Variants in SUMF1 observed in about 807,000 individuals in gnomAD.
SUMF1 encodes the protein formylglycine-generating enzyme.
SUMF1 carries 48 observed loss-of-function variants against 47.6 expected under a neutral mutation model. The ratio of observed to expected loss-of-function variants is 1.01; its 90% CI spans 0.80 to 1.28. The LOEUF (loss-of-function observed/expected upper bound fraction) is 1.28, where lower values mean the gene tolerates loss of function less well. Ranked by LOEUF, SUMF1 falls within the 50% of genes most tolerant of loss-of-function variation. SUMF1 has a pLI of 0.00. For synonymous variants in SUMF1, 230 were observed against 192.1 expected, an observed-to-expected ratio of 1.20 and a Z score of -1.63; for missense variants, 571 against 485.4, an observed-to-expected ratio of 1.18 and a Z score of -1.66.
chr3:4,092,509 T>A (rs557367785), intron 8 of SUMF1, among the ~76,000 whole-genome samples: 4 of 152,302 alleles, frequency 2.6e-5, no homozygotes, highest in African/African-American at 9.6e-5. Context: ...TCTCTCTTTG[T>A]TGAAAGTAGT....
chr3:4,437,338 T>C (rs1702435475), intron 3 of SUMF1, among the ~76,000 whole-genome samples: 1 of 152,186 alleles, frequency 6.6e-6, no homozygotes, highest in Non-Finnish European at 1.5e-5. Flanking sequence ...TTAAACTTTA[T>C]ACTCAAGTAT....
intron 8 of SUMF1, among the ~76,000 whole-genome samples, chr3:4,152,467 T>C (rs928191715): frequency 6.6e-6 from 1 of 150,596 alleles, no homozygotes; most frequent in African/African-American, 2.5e-5. Context: ...TTTTTTTTTT[T>C]CTTTTTCTTT....
At chr3:4,429,982 G>A (rs772262557) in intron 3 of SUMF1, among the ~76,000 whole-genome samples, 55 of 152,092 alleles carry the variant, frequency 3.6e-4, no homozygotes, top group Non-Finnish European at 7.1e-4. Context: ...TGCTTTTAAA[G>A]GACTTTAAAG....
rs182231918 is a variant in SUMF1, at chr3:4,100,677, C to T, written c.1015-31932G>A. Among the ~76,000 whole-genome samples the T allele has an allele frequency of 1.1e-4, 16 of 151,678 alleles. No homozygotes were observed. In the East Asian group the frequency reaches 3.1e-3, roughly 29 times the overall value. ...AATGAAAGCTAAACAAATTAGATTACATCAAACTAAAAAAAATGATTAATA... is the reference window on the plus strand; with the variant it reads ...AATGAAAGCTAAACAAATTAGATTATATCAAACTAAAAAAAATGATTAATA... On this transcript the variant is annotated intron_variant and NMD_transcript_variant, in intron 8 of 12. Coordinates refer to the SUMF1 transcript ENST00000448413.
At chr3:4,352,164 G>C (rs1427689760) in intron 8 of SUMF1, among the ~76,000 whole-genome samples, 1 of 152,088 alleles carries the variant, frequency 6.6e-6, no homozygotes, top group Non-Finnish European at 1.5e-5. Flanking sequence ...TGGACTCAAT[G>C]ATACAGTAGA....
chr3:4,331,610 C>T (rs933119424), intron 8 of SUMF1, among the ~76,000 whole-genome samples: 1 of 152,016 alleles, frequency 6.6e-6, no homozygotes, highest in Admixed American at 6.6e-5. Flanking sequence ...GGTGGATCAC[C>T]TGAGGTCAGG....
rs752083773 is a variant in SUMF1 at position 4,467,007 on chromosome 3, A to T, written c.239T>A (p.Val80Glu). Residue 80 changes from valine (V) to glutamate (E), a missense_variant, in exon 1 of 9, where the codon GTA (valine) becomes GAA (glutamate). Transcript: ENST00000272902. ...GTGCGCGAGTTGCCGCTCTCCGGGT[A>T]CGGGGCCCGGAGCGTTAGCCTCCCG... ...YSREANAPGP[V>E]PGERQLAHSK... 9.4e-6 allele frequency: 15 copies of T among 1,596,678 alleles called. No individual in the cohort carries two copies. The East Asian group carries it at 3.2e-4, about 34-fold the overall frequency.
chr3:4,436,787 G>A (rs1702414160), intron 3 of SUMF1, among the ~76,000 whole-genome samples: 1 of 142,474 alleles, frequency 7.0e-6, no homozygotes, highest in Non-Finnish European at 1.5e-5. Context: ...ATAAATACAA[G>A]AAATCAACAC....
rs372249609 is a variant in SUMF1 at position 4,136,926 on chromosome 3, T to C, written c.1015-68181A>G. On this transcript the variant is annotated intron_variant and NMD_transcript_variant, in intron 8 of 12. Transcript: ENST00000448413. ...GCAAATCAAAACCACAATGAGATAC[T>C]ATCTCACACCAGTTAGAATGGCGAT... Among the ~76,000 whole-genome samples the C allele has an allele frequency of 4.4e-3, 663 of 152,102 alleles. 8 individuals carry two copies. The highest frequency in any genetic ancestry group is 0.015 in the African/African-American group (629 of 41,456).
At chr3:4,247,313 G>A (rs73806968) in intron 8 of SUMF1, among the ~76,000 whole-genome samples, 238 of 152,258 alleles carry the variant, frequency 1.6e-3, no homozygotes, top group African/African-American at 5.6e-3. Flanking sequence ...AAATGTTCCT[G>A]ATATTTCCAA....
intron 8 of SUMF1, among the ~76,000 whole-genome samples, chr3:4,194,226 T>C (rs114212000): frequency 0.013 from 2,023 of 152,242 alleles, 49 homozygotes; most frequent in African/African-American, 0.047. Context: ...CACATGAGAC[T>C]AGATACTACC....
intron 8 of SUMF1, among the ~76,000 whole-genome samples, chr3:4,300,783 A>T (rs1023172076): frequency 2.6e-5 from 4 of 152,132 alleles, no homozygotes; most frequent in Non-Finnish European, 5.9e-5. Flanking sequence ...TTGCTTCACT[A>T]TCCTTTAGTT....
In SUMF1 at chr3:4,376,383, G is replaced by A; in HGVS notation, c.961C>T (p.Pro321Ser). 6.2e-7 allele frequency: 1 copy of A among 1,614,104 alleles called. No individual in the cohort carries two copies. Among genetic ancestry groups the A allele is most frequent in the Non-Finnish European group, 8.5e-7 (1 of 1,179,972 alleles). ...TTCACTCGGTCTTTCCCAGAAGGGGGACCTTTCTACAGATGAAGAAAAAAG... is the reference window on the plus strand; with the variant it reads ...TTCACTCGGTCTTTCCCAGAAGGGGAACCTTTCTACAGATGAAGAAAAAAG... ...SVEETLNPKGPPSGKDRVKKG... is the reference protein window; with the variant it reads ...SVEETLNPKGSPSGKDRVKKG... Residue 321 changes from proline to serine, a missense_variant, in exon 8 of 9, where the codon CCC (proline) becomes TCC (serine). By Grantham distance (74) the Pro-to-Ser change is moderately conservative. Coordinates refer to ENST00000272902, the MANE Select transcript of SUMF1 (RefSeq NM_182760.4).
intron 8 of SUMF1, among the ~76,000 whole-genome samples, chr3:4,311,095 C>G (rs955363760): frequency 6.6e-6 from 1 of 152,194 alleles, no homozygotes; most frequent in Non-Finnish European, 1.5e-5. Context: ...TATTTCCTCT[C>G]TCCACCCCCA....
At chr3:4,175,979 G>A (rs1694951190) in intron 8 of SUMF1, among the ~76,000 whole-genome samples, 1 of 152,100 alleles carries the variant, frequency 6.6e-6, no homozygotes, top group African/African-American at 2.4e-5. Flanking sequence ...AAGAAAACAA[G>A]GTTAGAGAAA....
intron 8 of SUMF1, among the ~76,000 whole-genome samples, chr3:4,140,256 T>C (rs1694041794): frequency 6.6e-6 from 1 of 152,118 alleles, no homozygotes; most frequent in East Asian, 1.9e-4. Flanking sequence ...GACACTGATG[T>C]GAATGTAATA....
chr3:4,295,622 T>G (rs560256789), intron 8 of SUMF1, among the ~76,000 whole-genome samples: 44 of 152,332 alleles, frequency 2.9e-4, no homozygotes, highest in African/African-American at 1.0e-3. Flanking sequence ...TAACAGTATT[T>G]GAATACGCAT....
At chr3:4,338,284 AG>A (rs1699196554) in intron 8 of SUMF1, among the ~76,000 whole-genome samples, 1 of 151,798 alleles carries the variant, frequency 6.6e-6, no homozygotes, top group Non-Finnish European at 1.5e-5. Context: ...TTTATTAAAA[AG>A]AAAAAAAAAA....
chr3:4,099,955 C>T (rs1309786820), intron 8 of SUMF1, among the ~76,000 whole-genome samples: 2 of 151,380 alleles, frequency 1.3e-5, no homozygotes, highest in Non-Finnish European at 2.9e-5. Context: ...TAGAAAATGA[C>T]ACAAATAAAT....
Sources: gnomAD v4.1 joint callset for allele counts (sites outside exome capture counted in the v4.1 genomes callset) on GRCh38, gnomAD v4.1.1 for gene constraint, MANE v1.5 for transcripts, NCBI Gene and HGNC (gene_info 2026-07-23, HGNC 2026-07-21) for gene names.